COG5: variants seen among roughly 807,000 people sequenced by gnomAD.
The protein encoded by COG5 is conserved oligomeric Golgi complex subunit 5.
In COG5, 86 loss-of-function variants were observed where a neutral mutation model predicts 110.4. The ratio of observed to expected loss-of-function variants is 0.78; its 90% CI spans 0.65 to 0.93. COG5 has a LOEUF of 0.93. COG5 is among the 40% of genes least tolerant of loss of function. The pLI, the probability that COG5 is intolerant of heterozygous loss-of-function variation, is 0.00. For missense variants in COG5, 1,077 were observed against 987.0 expected (o/e 1.09, Z -1.22); for synonymous variants, 360 against 334.6 (o/e 1.08, Z -0.83).
chr7:107,345,594 C>G (rs541770445), intron 10 of COG5, among the ~76,000 whole-genome samples: 1 of 151,890 alleles, frequency 6.6e-6, no homozygotes, highest in African/African-American at 2.4e-5. Flanking sequence ...TCAATGGATA[C>G]AGAATTTCAG....
At chr7:107,223,387 G>A (rs1800094319) in intron 19 of COG5, among the ~76,000 whole-genome samples, 1 of 152,184 alleles carries the variant, frequency 6.6e-6, no homozygotes, top group African/African-American at 2.4e-5. Flanking sequence ...GAATGAAGCA[G>A]GAGGCTGATT....
intron 12 of COG5, among the ~76,000 whole-genome samples, chr7:107,295,604 TCTTC>T (rs1370699861): frequency 2.6e-5 from 4 of 152,128 alleles, no homozygotes; most frequent in Non-Finnish European, 4.4e-5. Flanking sequence ...AAAACTCAAC[TCTTC>T]CTTGTTTGTG....
At chr7:107,394,687 C>G (rs1474451228) in intron 7 of COG5, among the ~76,000 whole-genome samples, 1 of 152,034 alleles carries the variant, frequency 6.6e-6, no homozygotes, top group African/African-American at 2.4e-5. Context: ...TCAAGTGTGA[C>G]AGGATTTTTA....
intron 12 of COG5, among the ~76,000 whole-genome samples, chr7:107,286,933 A>T (rs1381283515): frequency 6.6e-6 from 1 of 152,230 alleles, no homozygotes; most frequent in Admixed American, 6.5e-5. Flanking sequence ...AAAAAAATAA[A>T]GGAAAAAGAT....
intron 6 of COG5, among the ~76,000 whole-genome samples, chr7:107,428,182 C>T (rs1447678087): frequency 6.6e-6 from 1 of 152,080 alleles, no homozygotes; most frequent in Non-Finnish European, 1.5e-5. Flanking sequence ...TTATATAAGA[C>T]TTGTAGGTTG....
intron 11 of COG5, among the ~76,000 whole-genome samples, chr7:107,314,086 A>T (rs568622447): frequency 2.6e-5 from 4 of 152,332 alleles, no homozygotes; most frequent in Admixed American, 2.6e-4. Context: ...TTACAAGTAC[A>T]TGCAGCAATA....
At chr7:107,247,483 C>T (rs1802142110) in intron 17 of COG5, among the ~76,000 whole-genome samples, 1 of 152,066 alleles carries the variant, frequency 6.6e-6, no homozygotes, top group Admixed American at 6.6e-5. Flanking sequence ...ATGGAAATTT[C>T]ATAAAACAGA....
intron 6 of COG5, among the ~76,000 whole-genome samples, chr7:107,490,872 G>A (rs1797934513): frequency 1.3e-5 from 2 of 152,024 alleles, no homozygotes; most frequent in African/African-American, 2.4e-5. Flanking sequence ...ATATTATGAA[G>A]CCTCTAAAGT....
At chr7:107,534,257 A>C (rs1422480790) in intron 5 of COG5, among the ~76,000 whole-genome samples, 1 of 151,688 alleles carries the variant, frequency 6.6e-6, no homozygotes, top group Non-Finnish European at 1.5e-5. Flanking sequence ...ATCTGCATCA[A>C]CTAATGAGCA....
chr7:107,482,753 C>G (rs1220265040), intron 6 of COG5, among the ~76,000 whole-genome samples: 1 of 152,008 alleles, frequency 6.6e-6, no homozygotes, highest in Non-Finnish European at 1.5e-5. Flanking sequence ...CTTTAAAAAC[C>G]ATATACTCTC....
chr7:107,324,728 T>C (rs1809615644), intron 10 of COG5, among the ~76,000 whole-genome samples: 1 of 152,164 alleles, frequency 6.6e-6, no homozygotes, highest in East Asian at 1.9e-4. Context: ...CAGTCATTCT[T>C]CTTCTCTGCC....
intron 6 of COG5, among the ~76,000 whole-genome samples, chr7:107,492,830 A>AG (rs1291307098): frequency 6.6e-6 from 1 of 152,166 alleles, no homozygotes; most frequent in Admixed American, 6.6e-5. Context: ...ACATATTCAT[A>AG]GGTTCCAAGG....
chr7:107,299,873 A>AAAATATAT (rs374028513), intron 11 of COG5, among the ~76,000 whole-genome samples: 2 of 124,454 alleles, frequency 1.6e-5, no homozygotes, highest in East Asian at 4.6e-4. Context: ...AATTATCTGG[A>AAAATATAT]ATATATATAT....
intron 11 of COG5, among the ~76,000 whole-genome samples, chr7:107,318,178 C>A (rs143614127): frequency 0.011 from 1,608 of 152,196 alleles, 28 homozygotes; most frequent in African/African-American, 0.037. Context: ...CAGACGCGTG[C>A]CACCACACCC....
chr7:107,262,837 C>T (rs561472346), intron 14 of COG5, among the ~76,000 whole-genome samples: 1 of 152,112 alleles, frequency 6.6e-6, no homozygotes, highest in African/African-American at 2.4e-5. Context: ...AGCTGAGTGA[C>T]TTGTAGCTTC....
intron 1 of COG5, 57 bp from the exon 2 acceptor site, chr7:107,558,172 T>C (rs1563099860): frequency 6.5e-7 from 1 of 1,535,286 alleles, no homozygotes; most frequent in Non-Finnish European, 9.0e-7. Context: ...AAACCAGTTA[T>C]TAAACAACAG....
At position 107,474,169 on chromosome 7, in the gene COG5, C is replaced by A. The variant is rs1266407166; in HGVS notation, c.538+53068G>T. ...CAATATGTACCAACCACTATCATAT[C>A]CGTTAAGCTTTCAAGTGTCTCTCAC... On this transcript the variant is annotated intron_variant, in intron 6 of 21. Transcript: ENST00000297135. This position sits in a 1 kb window ranked among gnomAD's most constrained non-coding sequence, Gnocchi z 5.7. The A allele has an allele frequency of 1.2e-6, 2 of 1,611,826 alleles. No homozygotes were observed. Among genetic ancestry groups the A allele is most frequent in the Non-Finnish European group, 8.5e-7 (1 of 1,178,178 alleles).
intron 18 of COG5, among the ~76,000 whole-genome samples, chr7:107,233,789 G>A (rs1358242113): frequency 2.6e-5 from 4 of 152,114 alleles, no homozygotes; most frequent in Non-Finnish European, 4.4e-5. Context: ...CCCAGTTGAT[G>A]CCTGTCATGA....
At chr7:107,404,655 C>T (rs1188200552) in intron 7 of COG5, among the ~76,000 whole-genome samples, 1 of 151,676 alleles carries the variant, frequency 6.6e-6, no homozygotes, top group East Asian at 1.9e-4. Context: ...ATAAAATGTG[C>T]ACGTTTAAAT....
Sources: gnomAD v4.1 joint callset for allele counts (sites outside exome capture counted in the v4.1 genomes callset) on GRCh38, gnomAD v4.1.1 for gene constraint, Gnocchi (gnomAD v3.1) non-coding constraint, MANE v1.5 for transcripts, NCBI Gene and HGNC (gene_info 2026-07-23, HGNC 2026-07-21) for gene names.